Variants in RMND5B observed in about 807,000 individuals in gnomAD.
The protein encoded by RMND5B is E3 ubiquitin-protein transferase RMND5B.
RMND5B carries 42 observed loss-of-function variants against 50.4 expected under a neutral mutation model. The ratio of observed to expected loss-of-function variants is 0.83; its 90% CI spans 0.65 to 1.08. RMND5B has a LOEUF of 1.08. Among genes scored for constraint, RMND5B ranks in the 50% least tolerant of loss-of-function variants. RMND5B has a pLI of 0.00. For missense variants in RMND5B, 463 were observed against 508.5 expected, an observed-to-expected ratio of 0.91 and a Z score of 0.86; for synonymous variants, 220 against 210.0, an observed-to-expected ratio of 1.05 and a Z score of -0.41.
chr5:178,147,194 A>G (rs544474157), intron 8 of RMND5B: 162 of 310,346 alleles, frequency 5.2e-4, no homozygotes, highest in Admixed American at 1.4e-3. Context: ...GGTACGTCCT[A>G]CAGGCAGGCT....
intron 2 of RMND5B, among the ~76,000 whole-genome samples, chr5:178,132,166 C>T (rs903435477): frequency 5.3e-5 from 8 of 151,894 alleles, no homozygotes; most frequent in African/African-American, 7.3e-5. Flanking sequence ...TTAGGCTGGG[C>T]GCAGTGGCTC....
chr5:178,147,599 G>C lies in RMND5B; in HGVS notation c.927G>C (p.Gln309His). 3 of 1,614,230 alleles carry C rather than the reference G, an allele frequency of 1.9e-6. No individual in the cohort carries two copies. The highest frequency in any genetic ancestry group is 2.5e-6 in the Non-Finnish European group (3 of 1,180,038). The stretch of plus-strand genomic sequence containing the variant: ...TCAAGGCTGTGATTGAGCAGCGGCA[G>C]TGCACTGGGGTCTGGAATCACAAGG... ...MNIKAVIEQR[Q>H]CTGVWNHKDE... Residue 309 changes from glutamine (Q) to histidine (H), a missense_variant, in exon 9 of 11, where the codon CAG becomes CAC. Physicochemically the swap from Gln to His is conservative, Grantham distance 24 (BLOSUM62 0). Transcript: ENST00000313386.
Position 178,147,829 on chromosome 5 carries a change from T to C in RMND5B, c.1064T>C (p.Ile355Thr), listed in dbSNP as rs2113453152. The C allele has an allele frequency of 3.7e-6, 6 of 1,614,166 alleles. No individual in the cohort carries two copies. The highest frequency in any genetic ancestry group is 5.1e-6 in the Non-Finnish European group (6 of 1,180,032). Residue 355 changes from isoleucine (I) to threonine (T), a missense_variant, in exon 10 of 11, where the codon ATC becomes ACC. Transcript: ENST00000313386. ...TSDSNPPIKLICGHVISRDAL... is the reference protein window; with the variant it reads ...TSDSNPPIKLTCGHVISRDAL... Reference sequence around the variant, plus strand: ...GATTCCAACCCTCCCATCAAGCTCATCTGTGGCCATGTTATCTCCCGAGAT... The same window carrying C: ...GATTCCAACCCTCCCATCAAGCTCACCTGTGGCCATGTTATCTCCCGAGAT...
At chr5:178,134,491 C>A (rs1758507730) in intron 2 of RMND5B, among the ~76,000 whole-genome samples, 2 of 152,106 alleles carry the variant, frequency 1.3e-5, no homozygotes, top group Non-Finnish European at 2.9e-5. Context: ...GACCAGTGGA[C>A]ATGAAATTTC....
chr5:178,138,519 T>TTGTGTGTGTGTGTGTGTGTGTGTG lies in RMND5B; in HGVS notation c.139+267_139+290dup. On this transcript the variant is annotated intron_variant, in intron 3 of 10. Coordinates refer to ENST00000313386, the MANE Select transcript of RMND5B (RefSeq NM_022762.5). The surrounding 1 kb of genome is among the most constrained non-coding windows in gnomAD (Gnocchi z 5.1). The stretch of plus-strand genomic sequence containing the variant: ...TTTTTAACTTTTTTTCATTTTATAA[T>TTGTGTGTGTGTGTGTGTGTGTGTG]TGTGTGTGTGTGTGTGTGTGTGTGT... The TTGTGTGTGTGTGTGTGTGTGTGTG allele has an allele frequency of 3.4e-6, 1 of 294,878 alleles. No homozygotes were observed. The highest frequency in any genetic ancestry group is 5.0e-5 in the South Asian group (1 of 19,886). 18.3% of individuals were successfully genotyped at this position (294,878 alleles called of 1,614,324 possible). A position where few individuals can be genotyped will look rare whatever the true frequency, so the allele number is the denominator to read the frequency against.
Position 178,147,547 on chromosome 5 carries a change from G to T in RMND5B, c.875G>T (p.Cys292Phe), listed in dbSNP as rs774939718. The change falls in exon 9 of 11, where the codon TGT (cysteine) becomes TTT (phenylalanine). Residue 292 changes from cysteine (C) to phenylalanine (F), a missense_variant. Cys to Phe is a radical substitution (Grantham distance 205). Transcript: ENST00000313386. ...SPLSVSFASG[C>F]VALPVLMNIK... ...CTTGTCTGCAGCTTTGCCTCTGGCTGTGTGGCGCTGCCTGTGTTGATGAAC... is the reference window on the plus strand; with the variant it reads ...CTTGTCTGCAGCTTTGCCTCTGGCTTTGTGGCGCTGCCTGTGTTGATGAAC... 3 of 1,614,032 alleles carry T rather than the reference G, an allele frequency of 1.9e-6. No individual in the cohort carries two copies. The highest frequency in any genetic ancestry group is 2.5e-6 in the Non-Finnish European group (3 of 1,179,968).
Position 178,137,137 on chromosome 5 carries a change from G to A in RMND5B, c.-12-971G>A, listed in dbSNP as rs1250168648. 4.6e-5 allele frequency among the ~76,000 whole-genome samples: 7 copies of A among 152,106 alleles called. No homozygotes were observed. The highest frequency in any genetic ancestry group is 4.6e-4 in the Admixed American group (7 of 15,260). ...AGGAGGTAAGGGTGATGGAGAGCAG[G>A]CCAGGTGAGGAAGCAGCATGTACCA... On this transcript the variant is annotated intron_variant, in intron 2 of 10. Transcript: ENST00000313386. The surrounding 1 kb of genome is among the most constrained non-coding windows in gnomAD (Gnocchi z 4.4).
chr5:178,148,262 CTG>C lies in RMND5B; in HGVS notation c.*233_*234del. On this transcript the variant is annotated 3_prime_UTR_variant, in exon 11 of 11. Coordinates refer to ENST00000313386, the MANE Select transcript of RMND5B (RefSeq NM_022762.5). ...CATAAGGAAAGGGAGATGCTGGCCT[CTG>C]TGCTCCTGCTGTCTTTTCCTGTTTC... 3.4e-6 allele frequency: 2 copies of C among 588,986 alleles called. No individual in the cohort carries two copies. Among genetic ancestry groups the C allele is most frequent in the Non-Finnish European group, 6.1e-6 (2 of 330,326 alleles). 36.5% of individuals were successfully genotyped at this position (588,986 alleles called of 1,614,324 possible).
At chr5:178,134,707 C>G (rs575236096) in intron 2 of RMND5B, among the ~76,000 whole-genome samples, 52 of 152,222 alleles carry the variant, frequency 3.4e-4, no homozygotes, top group African/African-American at 1.2e-3. Context: ...TGGCTCACAC[C>G]TGTAATCCCA....
In RMND5B at chr5:178,138,560, C is replaced by G. The variant is rs1293804873; in HGVS notation, c.139+302C>G. ...GTGTGTGTGTGTGTAGAAACAGTGT[C>G]TTTGTTGCCTAGGCTGGTCTTTAAC... On this transcript the variant is annotated intron_variant, in intron 3 of 10. Transcript: ENST00000313386. The surrounding 1 kb of genome is among the most constrained non-coding windows in gnomAD (Gnocchi z 5.1). Among the ~76,000 whole-genome samples the G allele has an allele frequency of 6.9e-6, 1 of 144,536 alleles. No homozygotes were observed. The highest frequency in any genetic ancestry group is 1.5e-5 in the Non-Finnish European group (1 of 65,338). 94.8% of individuals were successfully genotyped at this position (144,536 alleles called of 152,430 possible).
chr5:178,132,371 G>A (rs1758361164), intron 2 of RMND5B, among the ~76,000 whole-genome samples: 1 of 152,080 alleles, frequency 6.6e-6, no homozygotes, highest in South Asian at 2.1e-4. Context: ...AAACTGGGAA[G>A]CAAAGGTTGC....
At chr5:178,139,433 C>T (rs558618235) in intron 3 of RMND5B, among the ~76,000 whole-genome samples, 4 of 152,146 alleles carry the variant, frequency 2.6e-5, no homozygotes, top group South Asian at 4.2e-4. Flanking sequence ...TCTCGAACTC[C>T]TGACCTCAAG....
chr5:178,135,569 C>T (rs1758578644), intron 2 of RMND5B, among the ~76,000 whole-genome samples: 2 of 152,230 alleles, frequency 1.3e-5, no homozygotes, highest in South Asian at 2.1e-4. Flanking sequence ...TCCATAGATG[C>T]ATCCCCCACA....
chr5:178,150,470 T>C lies in RMND5B; in HGVS notation c.*2438T>C. 2 of 356,258 alleles carry C rather than the reference T, an allele frequency of 5.6e-6. No homozygotes were observed. The highest frequency in any genetic ancestry group is 1.1e-5 in the Non-Finnish European group (2 of 181,286). 22.1% of individuals were successfully genotyped at this position (356,258 alleles called of 1,614,324 possible). A position where few individuals can be genotyped will look rare whatever the true frequency, so the allele number is the denominator to read the frequency against. On this transcript the variant is annotated 3_prime_UTR_variant, in exon 11 of 11. Coordinates refer to ENST00000313386, the MANE Select transcript of RMND5B (RefSeq NM_022762.5). The stretch of plus-strand genomic sequence containing the variant: ...ATCATGGCTCACTGCAGCCTTGAAC[T>C]CCTGGGTTCAAGTGATCTCCTGCTT...
intron 8 of RMND5B, chr5:178,147,032 C>T (rs1445882758): frequency 1.1e-5 from 2 of 176,324 alleles, no homozygotes; most frequent in Non-Finnish European, 2.4e-5. Context: ...GCAGGACTAC[C>T]CTGTGCACTG....
At chr5:178,144,256 C>T (rs1350464751) in intron 7 of RMND5B, 148 bp downstream of exon 7, 4 of 786,718 alleles carry the variant, frequency 5.1e-6, no homozygotes, top group African/African-American at 3.5e-5. Context: ...TCTGACCCCT[C>T]GTGTCCAGGA....
At position 178,138,118 on chromosome 5, in the gene RMND5B, C is replaced by G. The variant is rs915740139; in HGVS notation, c.-2C>G. 2 of 1,590,834 alleles carry G rather than the reference C, an allele frequency of 1.3e-6. No individual in the cohort carries two copies. Among genetic ancestry groups the G allele is most frequent in the Non-Finnish European group, 1.7e-6 (2 of 1,169,190 alleles). On this transcript the variant is annotated 5_prime_UTR_variant, in exon 3 of 11. Coordinates refer to ENST00000313386, the MANE Select transcript of RMND5B (RefSeq NM_022762.5). The surrounding 1 kb of genome is among the most constrained non-coding windows in gnomAD (Gnocchi z 5.1). ...GCTGACCCTCCCCAGGCTGAGGCCA[C>G]CATGGAGCAGTGTGCGTGCGTGGAG...
intron 3 of RMND5B, 33 bp from the exon 4 acceptor site, chr5:178,142,550 C>G (rs945552583): frequency 6.3e-7 from 1 of 1,582,988 alleles, no homozygotes; most frequent in Non-Finnish European, 8.6e-7. Context: ...CCCAGTCTGC[C>G]TCCTCTGTGT....
At position 178,149,857 on chromosome 5, in the gene RMND5B, T is replaced by G; in HGVS notation, c.*1825T>G. On this transcript the variant is annotated 3_prime_UTR_variant, in exon 11 of 11. Transcript: ENST00000313386. ...CCAGGTCCTACAGAGGGGAAAGAAG[T>G]GCTGTTTGGAAAAAAGCTGTACAAC... is the stretch of plus-strand genomic sequence containing the variant. 2 of 1,612,160 alleles carry G rather than the reference T, an allele frequency of 1.2e-6. No individual in the cohort carries two copies. Among genetic ancestry groups the G allele is most frequent in the Non-Finnish European group, 1.7e-6 (2 of 1,179,036 alleles).
Sources: allele counts gnomAD v4.1 joint callset (sites outside exome capture counted in the v4.1 genomes callset), GRCh38; gene constraint gnomAD v4.1.1; non-coding constraint Gnocchi (gnomAD v3.1); transcripts MANE v1.5; gene names NCBI Gene and HGNC (gene_info 2026-07-23, HGNC 2026-07-21).